ATG10: variants seen among roughly 807,000 people sequenced by gnomAD.
The protein encoded by ATG10 is ubiquitin-like-conjugating enzyme ATG10.
A neutral mutation model predicts 32.1 loss-of-function variants in ATG10; 30 were observed. That is an observed-to-expected ratio of 0.94 (90% CI 0.70 to 1.27). The LOEUF (loss-of-function observed/expected upper bound fraction) is 1.27, where lower values mean the gene tolerates loss of function less well. ATG10 is among the 50% of genes most tolerant of loss of function. ATG10 has a pLI of 0.00. For synonymous variants in ATG10, 87 were observed against 91.5 expected, an observed-to-expected ratio of 0.95 and a Z score of 0.28; for missense variants, 233 against 262.3, an observed-to-expected ratio of 0.89 and a Z score of 0.77.
At chr5:82,067,608 G>A (rs1258542789) in intron 3 of ATG10, among the ~76,000 whole-genome samples, 2 of 152,132 alleles carry the variant, frequency 1.3e-5, no homozygotes, top group Non-Finnish European at 2.9e-5. Flanking sequence ...AAAATTCAGA[G>A]TGTGTTAGGT....
chr5:82,090,062 TA>T (rs34443592), intron 3 of ATG10, among the ~76,000 whole-genome samples: 40 of 144,126 alleles, frequency 2.8e-4, no homozygotes, highest in Non-Finnish European at 3.3e-4. Context: ...CCAAATGCCT[TA>T]AAAAAAAAAA....
At chr5:82,153,616 T>C (rs1370058122) in intron 3 of ATG10, among the ~76,000 whole-genome samples, 1 of 152,140 alleles carries the variant, frequency 6.6e-6, no homozygotes, top group Non-Finnish European at 1.5e-5. Flanking sequence ...ATTAGGATAC[T>C]AAAATGATCA....
At chr5:82,103,616 T>C (rs1050431680) in intron 3 of ATG10, among the ~76,000 whole-genome samples, 1 of 151,786 alleles carries the variant, frequency 6.6e-6, no homozygotes, top group Non-Finnish European at 1.5e-5. Context: ...AATGTATGCC[T>C]TGGGTGGGTT....
chr5:82,022,188 CAAA>C (rs1243283026), intron 2 of ATG10, among the ~76,000 whole-genome samples: 1 of 131,058 alleles, frequency 7.6e-6, no homozygotes, highest in South Asian at 2.4e-4. Flanking sequence ...TACTCCGTCT[CAAA>C]AAAAAAAAAA....
intron 2 of ATG10, among the ~76,000 whole-genome samples, chr5:82,034,535 T>C (rs1200877472): frequency 2.6e-5 from 4 of 152,360 alleles, no homozygotes; most frequent in Non-Finnish European, 5.9e-5. Context: ...ATAACTCTTT[T>C]ACTAAAAACC....
intron 3 of ATG10, among the ~76,000 whole-genome samples, chr5:82,128,784 C>T (rs1766388573): frequency 6.7e-6 from 1 of 149,906 alleles, no homozygotes; most frequent in African/African-American, 2.4e-5. Flanking sequence ...TCTGGCTGCC[C>T]TTAACATTTT....
chr5:82,177,928 G>A (rs1025477707), intron 4 of ATG10, among the ~76,000 whole-genome samples: 1 of 152,066 alleles, frequency 6.6e-6, no homozygotes, highest in Admixed American at 6.6e-5. Context: ...TTCAGGCAGA[G>A]ACCACTCTAC....
intron 3 of ATG10, chr5:82,078,530 G>A (rs1489996678): frequency 6.6e-6 from 1 of 152,200 alleles, no homozygotes; most frequent in Non-Finnish European, 1.5e-5. Context: ...TATGTCAACT[G>A]GGTGTCTTTG....
chr5:82,139,944 G>C (rs1382699968), intron 3 of ATG10, among the ~76,000 whole-genome samples: 1 of 133,924 alleles, frequency 7.5e-6, no homozygotes, highest in African/African-American at 2.8e-5. Context: ...GAGGTGGGGG[G>C]GTCAGCCCTC....
chr5:82,002,592 T>A (rs922362143), intron 2 of ATG10, among the ~76,000 whole-genome samples: 1 of 152,110 alleles, frequency 6.6e-6, no homozygotes, highest in Non-Finnish European at 1.5e-5. Flanking sequence ...GGCTAAACAT[T>A]GAGTACATAT....
intron 5 of ATG10, among the ~76,000 whole-genome samples, chr5:82,179,965 C>T (rs920363059): frequency 5.3e-5 from 8 of 152,144 alleles, no homozygotes; most frequent in African/African-American, 1.9e-4. Context: ...CACTGTCACC[C>T]TCCTAGATCA....
chr5:82,118,665 C>G (rs1765926452), intron 3 of ATG10, among the ~76,000 whole-genome samples: 1 of 151,924 alleles, frequency 6.6e-6, no homozygotes, highest in Admixed American at 6.6e-5. Flanking sequence ...AGATATGAAT[C>G]TATCTAAACT....
chr5:81,972,638 A>G (rs540801581), intron 1 of ATG10: 1 of 152,314 alleles, frequency 6.6e-6, no homozygotes, highest in South Asian at 2.1e-4. Context: ...CTGATAGCAA[A>G]TCTTTGGTTG....
intron 3 of ATG10, among the ~76,000 whole-genome samples, chr5:82,130,556 C>A (rs140319754): frequency 1.2e-3 from 178 of 152,154 alleles, no homozygotes; most frequent in African/African-American, 4.1e-3. Flanking sequence ...GTGCACCATT[C>A]CTTAAGGCAC....
intron 4 of ATG10, among the ~76,000 whole-genome samples, chr5:82,173,008 C>G (rs1208719169): frequency 6.6e-6 from 1 of 152,152 alleles, no homozygotes; most frequent in Admixed American, 6.6e-5. Context: ...TTATATCTTT[C>G]AAAGCTATGT....
intron 2 of ATG10, among the ~76,000 whole-genome samples, chr5:82,049,077 T>G (rs966627524): frequency 6.6e-6 from 1 of 151,504 alleles, no homozygotes; most frequent in Non-Finnish European, 1.5e-5. Flanking sequence ...TAAATCATGC[T>G]GCTATAAAGA....
intron 2 of ATG10, among the ~76,000 whole-genome samples, chr5:81,987,963 A>C (rs982141215): frequency 1.7e-4 from 26 of 152,326 alleles, no homozygotes; most frequent in African/African-American, 5.8e-4. Flanking sequence ...ATCTGAATGT[A>C]AACAGATGTT....
chr5:82,046,305 G>A (rs1044651877), intron 2 of ATG10, among the ~76,000 whole-genome samples: 2 of 152,208 alleles, frequency 1.3e-5, no homozygotes, highest in African/African-American at 4.8e-5. Context: ...ATGAAGTCAT[G>A]CTGGATTAGG....
intron 2 of ATG10, among the ~76,000 whole-genome samples, chr5:82,052,259 C>A (rs1027376891): frequency 6.6e-6 from 1 of 152,140 alleles, no homozygotes; most frequent in Non-Finnish European, 1.5e-5. Context: ...AACAAAAGCC[C>A]TATAATTATT....
Sources: allele counts gnomAD v4.1 joint callset (sites outside exome capture counted in the v4.1 genomes callset), GRCh38; gene constraint gnomAD v4.1.1; transcripts MANE v1.5; gene names NCBI Gene and HGNC (gene_info 2026-07-23, HGNC 2026-07-21).